Variants in DYSF observed in about 807,000 individuals in gnomAD.
The protein encoded by DYSF is dystrophy-associated fer-1-like 1.
DYSF carries 212 observed loss-of-function variants against 274.9 expected under a neutral mutation model. The ratio of observed to expected loss-of-function variants is 0.77; its 90% CI spans 0.69 to 0.86. The LOEUF is 0.86. Among genes scored for constraint, DYSF ranks in the 40% least tolerant of loss-of-function variants. The probability of loss-of-function intolerance (pLI) is 0.00; values close to 1 mark genes in which losing one functional copy is unlikely to be tolerated. For missense variants in DYSF, 2,666 were observed against 2,783.2 expected (o/e 0.96, Z 0.95); for synonymous variants, 1,091 against 1,078.7 (o/e 1.01, Z -0.22).
In DYSF at chr2:71,620,813, C is replaced by A. The variant is rs12995778; in HGVS notation, c.4527+204C>A. 0.7 allele frequency among the ~76,000 whole-genome samples: 106,336 copies of A among 151,842 alleles called. 39,960 individuals carry two copies. The highest frequency in any genetic ancestry group is 0.87 in the East Asian group (4,497 of 5,152). On this transcript the variant is annotated intron_variant, in intron 41 of 55. Transcript: ENST00000410020. ...GGAGTAGATGCTCAGAAATGGACAC[C>A]CCTAGGTTACTTCCTGGGATTTACC...
chr2:71,511,195 G>A (rs527281502), intron 4 of DYSF, among the ~76,000 whole-genome samples: 2 of 152,236 alleles, frequency 1.3e-5, no homozygotes, highest in African/African-American at 2.4e-5. Flanking sequence ...CTCTCTGGCC[G>A]GTGCAAGCCG....
At chr2:71,568,392 G>C (rs1246991697) in intron 26 of DYSF, 54 bp downstream of exon 26, 2 of 1,601,110 alleles carry the variant, frequency 1.2e-6, no homozygotes, top group African/African-American at 2.7e-5. Context: ...GCCCACCATG[G>C]ACTGCACCCT....
intron 1 of DYSF, among the ~76,000 whole-genome samples, chr2:71,472,476 G>A (rs1419821986): frequency 1.3e-5 from 2 of 151,910 alleles, no homozygotes; most frequent in African/African-American, 4.8e-5. Context: ...GCGCGATCTC[G>A]GCTCACTGCA....
chr2:71,596,768 T>C (rs2093419029), intron 32 of DYSF, among the ~76,000 whole-genome samples: 1 of 152,174 alleles, frequency 6.6e-6, no homozygotes, highest in African/African-American at 2.4e-5. Context: ...CAGGAAGTCC[T>C]CCATGATTTG....
chr2:71,492,499 C>G (rs2083942883), intron 3 of DYSF, among the ~76,000 whole-genome samples: 1 of 152,102 alleles, frequency 6.6e-6, no homozygotes, highest in Non-Finnish European at 1.5e-5. Context: ...TTGGCATGCG[C>G]TTTTCTTCAT....
chr2:71,633,168 A>G (rs2094343221), intron 41 of DYSF, among the ~76,000 whole-genome samples: 1 of 152,130 alleles, frequency 6.6e-6, no homozygotes, highest in Non-Finnish European at 1.5e-5. Flanking sequence ...TGCTGAATCA[A>G]CGTGGTGGCT....
chr2:71,603,985 G>A (rs749179108), intron 36 of DYSF, among the ~76,000 whole-genome samples: 8 of 152,212 alleles, frequency 5.3e-5, no homozygotes, highest in South Asian at 2.1e-4. Context: ...GCCAGAGCCC[G>A]AAGAGCACCG....
At position 71,632,569 on chromosome 2, in the gene DYSF, A is replaced by C. The variant is rs543669500; in HGVS notation, c.4528-11396A>C. 6.6e-5 allele frequency among the ~76,000 whole-genome samples: 10 copies of C among 152,334 alleles called. No homozygotes were observed. In the South Asian group the frequency reaches 2.1e-3, roughly 32 times the overall value. The stretch of plus-strand genomic sequence containing the variant: ...TAACTCTTGTTAAGCAAAATTGTCT[A>C]CATAAGCAGAAGGAAGATAAGGTAT... On this transcript the variant is annotated intron_variant, in intron 41 of 55. Transcript: ENST00000410020.
At chr2:71,581,495 G>A (rs1268922938) in intron 30 of DYSF, among the ~76,000 whole-genome samples, 1 of 152,240 alleles carries the variant, frequency 6.6e-6, no homozygotes, top group East Asian at 1.9e-4. Flanking sequence ...CCTGTGTGGG[G>A]TTTCCCTGCA....
rs377235191 is a variant in DYSF at position 71,570,639 on chromosome 2, G to C, written c.3126G>C (p.Pro1042=). Residue 1042 remains proline (P), a synonymous_variant, in exon 29 of 56, where the codon CCG becomes CCC. Transcript: ENST00000410020. ...TCACCATCCCCCCGGAGCGGAAGCC[G>C]AAGCACTGGGTCCCTGCTGAGAAGA... ...YSITIPPERK[P]KHWVPAEKMY... is the part of the protein sequence containing the mutation. 1.2e-6 allele frequency: 2 copies of C among 1,614,076 alleles called. No homozygotes were observed. The highest frequency in any genetic ancestry group is 1.7e-6 in the Non-Finnish European group (2 of 1,179,980).
intron 32 of DYSF, among the ~76,000 whole-genome samples, chr2:71,596,154 A>C (rs1281761577): frequency 1.3e-5 from 2 of 151,644 alleles, no homozygotes; most frequent in Admixed American, 6.6e-5. Context: ...CGGGTGGGGC[A>C]CGTGTGTAGG....
At chr2:71,560,843 T>C (rs1278636071) in intron 22 of DYSF, among the ~76,000 whole-genome samples, 1 of 151,774 alleles carries the variant, frequency 6.6e-6, no homozygotes, top group African/African-American at 2.4e-5. Flanking sequence ...TAATGTCCTG[T>C]TTGGGAGTCA....
At chr2:71,612,559 A>C in intron 38 of DYSF, 82 bp from the exon 39 acceptor site, 1 of 1,580,560 alleles carries the variant, frequency 6.3e-7, no homozygotes, top group Non-Finnish European at 8.7e-7. Flanking sequence ...TGCGGTTTAT[A>C]GTCATTTTCT....
At chr2:71,504,760 T>A (rs1412310790) in intron 4 of DYSF, among the ~76,000 whole-genome samples, 1 of 152,190 alleles carries the variant, frequency 6.6e-6, no homozygotes, top group African/African-American at 2.4e-5. Context: ...CCTTCCAACC[T>A]CAAAGGCCTG....
At chr2:71,473,734 T>C (rs552008691) in intron 1 of DYSF, among the ~76,000 whole-genome samples, 1 of 152,264 alleles carries the variant, frequency 6.6e-6, no homozygotes, top group East Asian at 1.9e-4. Context: ...AAAATGCACA[T>C]AACATGAAAT....
intron 13 of DYSF, 65 bp downstream of exon 13, chr2:71,526,411 T>TGGG: frequency 3.3e-6 from 1 of 306,920 alleles, no homozygotes; most frequent in Non-Finnish European, 5.0e-6. Context: ...CTGGTGGGGG[T>TGGG]GGGCGATGGC....
intron 5 of DYSF, 112 bp downstream of exon 5, chr2:71,512,033 A>G (rs1573628819): frequency 4.4e-6 from 3 of 688,852 alleles, no homozygotes; most frequent in East Asian, 5.9e-5. Flanking sequence ...TGCCCTCCCC[A>G]GGTTGGAGGC....
intron 29 of DYSF, among the ~76,000 whole-genome samples, chr2:71,571,349 C>A (rs2092426347): frequency 6.8e-6 from 1 of 146,536 alleles, no homozygotes; most frequent in Non-Finnish European, 1.5e-5. Flanking sequence ...ACCCAGCACA[C>A]CCACAGATCA....
chr2:71,611,551 G>A lies in DYSF; in HGVS notation c.4146G>A (p.Gln1382=), dbSNP rs1456392109. The change falls in exon 38 of 56, where the codon CAG becomes CAA. Residue 1382 remains glutamine (Q), a synonymous_variant. Transcript: ENST00000410020. ...SPSLVVECGG[Q]TVQSCVIRNL... is the part of the protein sequence containing the mutation. ...GCCTCGTGGTAGAGTGTGGGGGCCAGACGGTGCAGTCCTGTGTCATCAGGA... is the reference window on the plus strand; with the variant it reads ...GCCTCGTGGTAGAGTGTGGGGGCCAAACGGTGCAGTCCTGTGTCATCAGGA... 22 of 1,614,042 alleles carry A rather than the reference G, an allele frequency of 1.4e-5. No individual in the cohort carries two copies. Among genetic ancestry groups the A allele is most frequent in the Non-Finnish European group, 1.7e-5 (20 of 1,180,004 alleles).
Sources: allele counts gnomAD v4.1 joint callset (sites outside exome capture counted in the v4.1 genomes callset), GRCh38; gene constraint gnomAD v4.1.1; transcripts MANE v1.5; gene names NCBI Gene and HGNC (gene_info 2026-07-23, HGNC 2026-07-21).